The following RASEF variants were observed in gnomAD, a reference collection of about 807,000 sequenced individuals.
RASEF encodes the protein RAS and EF-hand domain containing, also known as ras and EF-hand domain-containing protein.
Under a neutral mutation model 90.1 loss-of-function variants are expected in RASEF, and 68 were observed. The observed-to-expected ratio is 0.75, with a 90% CI of 0.62 to 0.92. The LOEUF (loss-of-function observed/expected upper bound fraction) is 0.92. Among genes scored for constraint, RASEF ranks in the 40% least tolerant of loss-of-function variants. The probability of loss-of-function intolerance (pLI) is 0.00; values close to 1 mark genes in which losing one functional copy is unlikely to be tolerated. For missense variants in RASEF, 949 were observed against 937.2 expected (o/e 1.01, Z -0.16); for synonymous variants, 331 against 345.2 (o/e 0.96, Z 0.46).
rs1451896205 is a variant in RASEF at position 82,982,899 on chromosome 9, G to T, written c.2118-117C>A. 4.4e-5 allele frequency: 31 copies of T among 697,620 alleles called. No homozygotes were observed. The Admixed American group carries it at 5.8e-4, about 13-fold the overall frequency. The allele number at this position is 697,620 out of a possible 1,614,324, so 43.2% of individuals were successfully genotyped here. A position where few individuals can be genotyped will look rare whatever the true frequency, so the allele number is the denominator to read the frequency against. Reference sequence around the variant, plus strand: ...AGAAATAAAAATAGCCATGCTGAGTGTCTGCACGGCCTTATAGACATTGTT... The same window carrying T: ...AGAAATAAAAATAGCCATGCTGAGTTTCTGCACGGCCTTATAGACATTGTT... On this transcript the variant is annotated intron_variant, in intron 16 of 16. Coordinates refer to ENST00000376447, the MANE Select transcript of RASEF (RefSeq NM_152573.4).
At chr9:83,022,523 C>A in intron 2 of RASEF, 97 bp from the exon 3 acceptor site, 1 of 849,588 alleles carries the variant, frequency 1.2e-6, no homozygotes, top group South Asian at 1.5e-5. Context: ...CTATATATTA[C>A]AGATGAAGAG....
the RASEF span, among the ~76,000 whole-genome samples, chr9:83,076,794 T>C: frequency 4.9e-4 from 75 of 152,326 alleles, 1 homozygote; most frequent in Non-Finnish European, 7.2e-4. Flanking sequence ...CAGAGCAAAG[T>C]AGGACTACTC....
At chr9:83,106,393 C>T in the RASEF span, among the ~76,000 whole-genome samples, 2 of 152,158 alleles carry the variant, frequency 1.3e-5, no homozygotes, top group African/African-American at 4.8e-5. Context: ...ATCATCTACC[C>T]CTATGTCATG....
chr9:82,993,991 A>G (rs1226157405), intron 14 of RASEF, among the ~76,000 whole-genome samples: 2 of 152,348 alleles, frequency 1.3e-5, no homozygotes, highest in South Asian at 2.1e-4. Context: ...CCTAAATAAG[A>G]GAAGTGGCAG....
At chr9:83,005,832 G>A (rs984417768) in intron 7 of RASEF, among the ~76,000 whole-genome samples, 1 of 152,122 alleles carries the variant, frequency 6.6e-6, no homozygotes, top group Admixed American at 6.5e-5. Flanking sequence ...GCCTGAACCT[G>A]GCCAGCCAGT....
rs1828572310 is a variant in RASEF at position 82,980,158 on chromosome 9, T to C, written c.*2519A>G. On this transcript the variant is annotated 3_prime_UTR_variant, in exon 17 of 17. Transcript: ENST00000376447. ...AAGGACTGTAGTATAACTATGATTT[T>C]AAAATATCTTAAAGAAAAACAGGGA... The C allele has an allele frequency of 6.6e-6, 1 of 152,188 alleles. No homozygotes were observed. Among genetic ancestry groups the C allele is most frequent in the African/African-American group, 2.4e-5 (1 of 41,456 alleles). 9.4% of individuals were successfully genotyped at this position (152,188 alleles called of 1,614,324 possible). A position where few individuals can be genotyped will look rare whatever the true frequency, so the allele number is the denominator to read the frequency against.
At chr9:83,182,221 C>T in the RASEF span, among the ~76,000 whole-genome samples, 5 of 152,316 alleles carry the variant, frequency 3.3e-5, no homozygotes, top group South Asian at 2.1e-4. Flanking sequence ...ACTGCTGCAT[C>T]GGGTCTGAGA....
chr9:83,042,599 A>G (rs1829861789), intron 1 of RASEF, among the ~76,000 whole-genome samples: 1 of 152,226 alleles, frequency 6.6e-6, no homozygotes, highest in African/African-American at 2.4e-5. Flanking sequence ...AAATTGAAAA[A>G]GGAGTTAATG....
At chr9:83,089,898 A>G in the RASEF span, among the ~76,000 whole-genome samples, 11 of 90,410 alleles carry the variant, frequency 1.2e-4, no homozygotes, top group South Asian at 6.7e-4. Flanking sequence ...TAGATGATAG[A>G]TAGATAGATA....
chr9:83,034,746 C>T (rs1829708313), intron 1 of RASEF, among the ~76,000 whole-genome samples: 1 of 152,134 alleles, frequency 6.6e-6, no homozygotes, highest in African/African-American at 2.4e-5. Flanking sequence ...AGTGGAATGA[C>T]CTGGGTAGAT....
the RASEF span, among the ~76,000 whole-genome samples, chr9:83,141,478 T>C: frequency 6.6e-6 from 1 of 152,224 alleles, no homozygotes. Flanking sequence ...CTTCTGGCTA[T>C]GGCTGAGTGA....
At position 83,062,906 on chromosome 9, in the gene RASEF, CGCGGGG is replaced by C; in HGVS notation, c.-45_-40del. 1 of 1,404,460 alleles carries C rather than the reference CGCGGGG, an allele frequency of 7.1e-7. No individual in the cohort carries two copies. The highest frequency in any genetic ancestry group is 9.2e-7 in the Non-Finnish European group (1 of 1,091,844). The allele number at this position is 1,404,460 out of a possible 1,614,324, so 87.0% of individuals were successfully genotyped here. ...GGCGGCCGAGAGGGCTCCGGAGCGC[CGCGGGG>C]CGCAGGGCCCTCCCTGGAAGGACGG... On this transcript the variant is annotated 5_prime_UTR_variant, in exon 1 of 17. Transcript: ENST00000376447.
intron 1 of RASEF, among the ~76,000 whole-genome samples, chr9:83,046,870 TA>T (rs1027564128): frequency 1.3e-5 from 2 of 152,180 alleles, no homozygotes; most frequent in African/African-American, 4.8e-5. Context: ...GAGCTAACAA[TA>T]GGTGATACTT....
the RASEF span, among the ~76,000 whole-genome samples, chr9:83,181,817 T>C: frequency 2.0e-5 from 3 of 152,068 alleles, no homozygotes; most frequent in East Asian, 5.8e-4. Context: ...AAGTAGGGAG[T>C]AAATAAGTAG....
the RASEF span, among the ~76,000 whole-genome samples, chr9:83,167,619 G>C: frequency 6.6e-6 from 1 of 151,972 alleles, no homozygotes; most frequent in African/African-American, 2.4e-5. Flanking sequence ...TATCAATTTT[G>C]GAACATTTTT....
At chr9:83,048,197 T>C (rs1311882702) in intron 1 of RASEF, 4 of 985,248 alleles carry the variant, frequency 4.1e-6, no homozygotes, top group African/African-American at 3.5e-5. Context: ...CGGAAGGAGC[T>C]TGGAGGTCAT....
chr9:83,114,772 G>A, the RASEF span, among the ~76,000 whole-genome samples: 2 of 152,298 alleles, frequency 1.3e-5, no homozygotes, highest in African/African-American at 2.4e-5. Flanking sequence ...CCGGTTGTCT[G>A]TTCTCAAACC....
At chr9:83,018,251 C>T (rs1361344835) in intron 3 of RASEF, among the ~76,000 whole-genome samples, 1 of 152,144 alleles carries the variant, frequency 6.6e-6, no homozygotes. Flanking sequence ...CAAAAAGGCA[C>T]TGCATATAAA....
the RASEF span, among the ~76,000 whole-genome samples, chr9:83,125,183 G>A: frequency 6.6e-6 from 1 of 152,184 alleles, no homozygotes; most frequent in Admixed American, 6.5e-5. Flanking sequence ...TGGTATACCA[G>A]ATTGTGCACT....
Sources: allele counts gnomAD v4.1 joint callset (sites outside exome capture counted in the v4.1 genomes callset), GRCh38; gene constraint gnomAD v4.1.1; transcripts MANE v1.5; gene names NCBI Gene and HGNC (gene_info 2026-07-23, HGNC 2026-07-21).